ZNF772: variants seen among roughly 807,000 people sequenced by gnomAD.
The protein encoded by ZNF772 is zinc finger protein 772.
Under a neutral mutation model 11.0 loss-of-function variants are expected in ZNF772, and 8 were observed. The observed-to-expected ratio is 0.73, with a 90% CI of 0.43 to 1.31. ZNF772 has a LOEUF of 1.31. Among genes scored for constraint, ZNF772 ranks in the 50% most tolerant of loss-of-function variants. The pLI, the probability that ZNF772 is intolerant of heterozygous loss-of-function variation, is 0.01. For missense variants in ZNF772, 496 were observed against 552.3 expected (o/e 0.90, Z 1.02); for synonymous variants, 155 against 180.4 (o/e 0.86, Z 1.13).
At position 57,469,863 on chromosome 19, in the gene ZNF772, C is replaced by T. The variant is rs1600115077; in HGVS notation, c.*3411G>A. ...TTTCAAGTGAACATGTAACTCATAC[C>T]AAGATAGCCCATATTCTGGGCCACA... is the stretch of plus-strand genomic sequence containing the variant. On this transcript the variant is annotated 3_prime_UTR_variant, in exon 4 of 4. Transcript: ENST00000356584. 1 of 152,240 alleles carries T rather than the reference C, an allele frequency of 6.6e-6. No homozygotes were observed. Among genetic ancestry groups the T allele is most frequent in the South Asian group, 2.1e-4 (1 of 4,818 alleles). 9.4% of individuals were successfully genotyped at this position (152,240 alleles called of 1,614,324 possible).
rs2089254300 is a variant in ZNF772, at chr19:57,474,162, G to A, written c.459C>T (p.His153=). 2 of 1,614,084 alleles carry A rather than the reference G, an allele frequency of 1.2e-6. No individual in the cohort carries two copies. Among genetic ancestry groups the A allele is most frequent in the African/African-American group, 1.3e-5 (1 of 74,934 alleles). The part of the protein sequence containing the change: ...SANLHQHQKQ[H]SGEKPFRSDK... ...CACTTCTAAAGGGTTTCTCTCCACT[G>A]TGCTGCTTCTGGTGCTGGTGAAGGT... The change falls in exon 4 of 4, where the codon CAC becomes CAT. Residue 153 remains histidine, a synonymous_variant. Coordinates refer to ENST00000356584, the MANE Select transcript of ZNF772 (RefSeq NM_001144068.2).
chr19:57,474,132 C>T lies in ZNF772; in HGVS notation c.489G>A (p.Lys163=), dbSNP rs1469177628. 3.1e-6 allele frequency: 5 copies of T among 1,614,104 alleles called. No homozygotes were observed. The highest frequency in any genetic ancestry group is 4.2e-6 in the Non-Finnish European group (5 of 1,180,054). Residue 163 remains lysine, a synonymous_variant, in exon 4 of 4, where the codon AAG becomes AAA. Coordinates refer to ENST00000356584, the MANE Select transcript of ZNF772 (RefSeq NM_001144068.2). ...AGTTGTTCAGAAGAAAGGGCCTGCT[C>T]TTATCACTTCTAAAGGGTTTCTCTC... ...HSGEKPFRSD[K]SRPFLLNNCA...
chr19:57,469,809 C>G lies in ZNF772; in HGVS notation c.*3465G>C, dbSNP rs2089194057. 6.6e-6 allele frequency: 1 copy of G among 152,026 alleles called. No homozygotes were observed. The allele number at this position is 152,026 out of a possible 1,614,324, so 9.4% of individuals were successfully genotyped here. On this transcript the variant is annotated 3_prime_UTR_variant, in exon 4 of 4. Transcript: ENST00000356584. ...TTTACCTAATCAACACTTGTAGAAC[C>G]CCTTCATCAAACGAGAGTACAGTAT...
rs771177418 is a variant in ZNF772, at chr19:57,473,775, C to T, written c.846G>A (p.Glu282=). ...TAAAAACTTTCCCACATATGCCACA[C>T]TCATAAGGCATTTCTCCAGTGTGGA... ...QRIHTGEMPY[E]CGICGKVFNH... Residue 282 remains glutamate, a synonymous_variant, in exon 4 of 4, where the codon GAG becomes GAA. Coordinates refer to ENST00000356584, the MANE Select transcript of ZNF772 (RefSeq NM_001144068.2). 8.1e-6 allele frequency: 13 copies of T among 1,614,026 alleles called. No individual in the cohort carries two copies. The highest frequency in any genetic ancestry group is 5.0e-5 in the Admixed American group (3 of 59,998).
Position 57,475,036 on chromosome 19 carries a change from C to T in ZNF772, c.200-615G>A, listed in dbSNP as rs1013011252. 1 of 1,614,044 alleles carries T rather than the reference C, an allele frequency of 6.2e-7. No homozygotes were observed. The highest frequency in any genetic ancestry group is 1.7e-5 in the Admixed American group (1 of 60,004). On this transcript the variant is annotated intron_variant, in intron 3 of 3. Coordinates refer to ENST00000356584, the MANE Select transcript of ZNF772 (RefSeq NM_001144068.2). This position sits in a 1 kb window ranked among gnomAD's most constrained non-coding sequence, Gnocchi z 4.2. Reference sequence around the variant, plus strand: ...AGCTCCTACTCACCAGGGTCACTCCCACCTGGAGTCTCTGTGGCAACAGCT... The same window carrying T: ...AGCTCCTACTCACCAGGGTCACTCCTACCTGGAGTCTCTGTGGCAACAGCT...
rs770369322 is a variant in ZNF772 at position 57,475,633 on chromosome 19, T to G, written c.199+27A>C. The G allele has an allele frequency of 3.7e-6, 6 of 1,613,220 alleles. No individual in the cohort carries two copies. Among genetic ancestry groups the G allele is most frequent in the Non-Finnish European group, 4.2e-6 (5 of 1,179,444 alleles). ...GGGGAAGGGCAGGACCCAGTCCAAG[T>G]CACTGGGGTGGATGTGACGGCCTTA... On this transcript the variant is annotated intron_variant, in intron 3 of 3. Coordinates refer to ENST00000356584, the MANE Select transcript of ZNF772 (RefSeq NM_001144068.2). This position sits in a 1 kb window ranked among gnomAD's most constrained non-coding sequence, Gnocchi z 4.2.
chr19:57,473,152 G>T lies in ZNF772; in HGVS notation c.*122C>A, dbSNP rs539649328. The T allele has an allele frequency of 2.1e-6, 2 of 961,772 alleles. No individual in the cohort carries two copies. The highest frequency in any genetic ancestry group is 1.8e-5 in the South Asian group (1 of 56,152). 59.6% of individuals were successfully genotyped at this position (961,772 alleles called of 1,614,324 possible). On this transcript the variant is annotated 3_prime_UTR_variant, in exon 4 of 4. Coordinates refer to ENST00000356584, the MANE Select transcript of ZNF772 (RefSeq NM_001144068.2). ...CTGGCACTCGGAAGAACCTCCCCAG[G>T]GTGAGTGTTTGAGTGTATAAAGTTC...
rs1464229179 is a variant in ZNF772, at chr19:57,470,576, A to C, written c.*2698T>G. ...GTAAAACTCAAAATGGAAAAGAAAA[A>C]TCCCAAAATATCAGAAAACAGAAAA... On this transcript the variant is annotated 3_prime_UTR_variant, in exon 4 of 4. Coordinates refer to ENST00000356584, the MANE Select transcript of ZNF772 (RefSeq NM_001144068.2). 1 of 152,156 alleles carries C rather than the reference A, an allele frequency of 6.6e-6. No individual in the cohort carries two copies. Among genetic ancestry groups the C allele is most frequent in the Non-Finnish European group, 1.5e-5 (1 of 68,030 alleles). 9.4% of individuals were successfully genotyped at this position (152,156 alleles called of 1,614,324 possible). A position where few individuals can be genotyped will look rare whatever the true frequency, so the allele number is the denominator to read the frequency against.
chr19:57,476,468 T>C (rs1415350579), intron 2 of ZNF772, 166 bp downstream of exon 2: 2 of 769,430 alleles, frequency 2.6e-6, no homozygotes, highest in Non-Finnish European at 4.4e-6. Flanking sequence ...AACCCCTCCA[T>C]AAAACCCCTG....
rs568575902 is a variant in ZNF772, at chr19:57,477,320, G to A, written c.-11C>T. On this transcript the variant is annotated 5_prime_UTR_variant, in exon 1 of 4. Transcript: ENST00000356584. ...CTCAGCCGCCGCCATCAGGCCTGTGGACTACGGAAGGGTGGCGACAAGTGC... is the reference window on the plus strand; with the variant it reads ...CTCAGCCGCCGCCATCAGGCCTGTGAACTACGGAAGGGTGGCGACAAGTGC... The A allele has an allele frequency of 4.4e-5, 71 of 1,613,570 alleles. No individual in the cohort carries two copies. The highest frequency in any genetic ancestry group is 5.7e-5 in the Non-Finnish European group (67 of 1,179,826).
chr19:57,477,531 A>G lies in ZNF772; in HGVS notation c.-222T>C, dbSNP rs951883944. On this transcript the variant is annotated 5_prime_UTR_variant, in exon 1 of 4. Transcript: ENST00000356584. ...AACCAGTGGATTAATGGAAAAGCAA[A>G]CAAAATGTCCACCCGAGGATGGTAG... 9 of 517,686 alleles carry G rather than the reference A, an allele frequency of 1.7e-5. No homozygotes were observed. Among genetic ancestry groups the G allele is most frequent in the Non-Finnish European group, 2.8e-5 (8 of 289,002 alleles). The allele number at this position is 517,686 out of a possible 1,614,324, so 32.1% of individuals were successfully genotyped here. A position where few individuals can be genotyped will look rare whatever the true frequency, so the allele number is the denominator to read the frequency against.
At position 57,477,346 on chromosome 19, in the gene ZNF772, AG is replaced by A; in HGVS notation, c.-38del. The A allele has an allele frequency of 6.2e-7, 1 of 1,612,440 alleles. No individual in the cohort carries two copies. The highest frequency in any genetic ancestry group is 8.5e-7 in the Non-Finnish European group (1 of 1,179,364). On this transcript the variant is annotated 5_prime_UTR_variant, in exon 1 of 4. Coordinates refer to ENST00000356584, the MANE Select transcript of ZNF772 (RefSeq NM_001144068.2). ...ACTACGGAAGGGTGGCGACAAGTGCAGGAACCTGGGATCAGCTGTCCAGGGC... is the reference window on the plus strand; with the variant it reads ...ACTACGGAAGGGTGGCGACAAGTGCAGAACCTGGGATCAGCTGTCCAGGGC...
intron 3 of ZNF772, 107 bp from the exon 4 acceptor site, chr19:57,474,528 G>A (rs2089260392): frequency 8.7e-7 from 1 of 1,154,200 alleles, no homozygotes; most frequent in Non-Finnish European, 1.2e-6. Flanking sequence ...TCATAGGACT[G>A]TTGTTAGGAC....
At position 57,476,596 on chromosome 19, in the gene ZNF772, G is replaced by A. The variant is rs187509213; in HGVS notation, c.72+38C>T. 11 of 1,608,822 alleles carry A rather than the reference G, an allele frequency of 6.8e-6. No individual in the cohort carries two copies. The Admixed American group carries it at 1.7e-4, about 24-fold the overall frequency. On this transcript the variant is annotated intron_variant, in intron 2 of 3. Transcript: ENST00000356584. ...CAATGCTGGAGAGCGTATTGGGTGGGGGTGGGATCGGTGAGAGCATGGACA... is the reference window on the plus strand; with the variant it reads ...CAATGCTGGAGAGCGTATTGGGTGGAGGTGGGATCGGTGAGAGCATGGACA...
intron 3 of ZNF772, chr19:57,474,905 C>G: frequency 6.9e-7 from 1 of 1,454,652 alleles, no homozygotes; most frequent in Non-Finnish European, 9.4e-7. Flanking sequence ...ATCCAGAGGC[C>G]AAAGGCCAGA....
chr19:57,472,995 A>G lies in ZNF772; in HGVS notation c.*279T>C, dbSNP rs1366993343. Reference sequence around the variant, plus strand: ...TACAGAGGTCTGTCTTTTGAAACACATTGGGGTTACTTTGGCACAAGGCAG... The same window carrying G: ...TACAGAGGTCTGTCTTTTGAAACACGTTGGGGTTACTTTGGCACAAGGCAG... On this transcript the variant is annotated 3_prime_UTR_variant, in exon 4 of 4. Transcript: ENST00000356584. 6.4e-6 allele frequency: 3 copies of G among 468,992 alleles called. No homozygotes were observed. The highest frequency in any genetic ancestry group is 1.1e-5 in the Non-Finnish European group (3 of 263,632). The allele number at this position is 468,992 out of a possible 1,614,324, so 29.1% of individuals were successfully genotyped here.
At position 57,469,822 on chromosome 19, in the gene ZNF772, G is replaced by C. The variant is rs774083732; in HGVS notation, c.*3452C>G. The C allele has an allele frequency of 6.6e-6, 1 of 152,046 alleles. No homozygotes were observed. Among genetic ancestry groups the C allele is most frequent in the African/African-American group, 2.4e-5 (1 of 41,390 alleles). The allele number at this position is 152,046 out of a possible 1,614,324, so 9.4% of individuals were successfully genotyped here. The stretch of plus-strand genomic sequence containing the variant: ...CACTTGTAGAACCCCTTCATCAAAC[G>C]AGAGTACAGTATACATTTCAAGTGA... On this transcript the variant is annotated 3_prime_UTR_variant, in exon 4 of 4. Transcript: ENST00000356584.
rs768838991 is a variant in ZNF772 at position 57,475,760 on chromosome 19, G to C, written c.99C>G (p.Phe33Leu). ...IQGQVNFEDVFVYFSQEEWVL... is the reference protein window; with the variant it reads ...IQGQVNFEDVLVYFSQEEWVL... ...CCCACTCCTCCTGGGAGAAGTACAC[G>C]AACACGTCCTCAAAGTTCACCTGCC... Residue 33 changes from phenylalanine to leucine, a missense_variant, in exon 3 of 4, where the codon TTC becomes TTG. By Grantham distance (22) the Phe-to-Leu change is conservative. Transcript: ENST00000356584. This position sits in a 1 kb window ranked among gnomAD's most constrained non-coding sequence, Gnocchi z 4.2. 6.2e-7 allele frequency: 1 copy of C among 1,609,458 alleles called. No homozygotes were observed. Among genetic ancestry groups the C allele is most frequent in the South Asian group, 1.1e-5 (1 of 90,502 alleles).
chr19:57,474,568 G>A, intron 3 of ZNF772, 147 bp from the exon 4 acceptor site: 1 of 750,920 alleles, frequency 1.3e-6, no homozygotes, highest in Middle Eastern at 2.4e-4. Flanking sequence ...CAGCAAATGT[G>A]TACTATACGG....
Sources: allele counts gnomAD v4.1 joint callset, GRCh38; gene constraint gnomAD v4.1.1; non-coding constraint Gnocchi (gnomAD v3.1); transcripts MANE v1.5; gene names NCBI Gene and HGNC (gene_info 2026-07-23, HGNC 2026-07-21).